Variants in RAB3GAP1 observed in about 807,000 individuals in gnomAD.
The protein encoded by RAB3GAP1 is rab3 GTPase-activating protein catalytic subunit.
A neutral mutation model predicts 130.7 loss-of-function variants in RAB3GAP1; 86 were observed. That is an observed-to-expected ratio of 0.66 (90% CI 0.55 to 0.79). The LOEUF is 0.79. RAB3GAP1 is among the 30% of genes least tolerant of loss of function. The pLI is 0.00. For synonymous variants in RAB3GAP1, 367 were observed against 401.7 expected, an observed-to-expected ratio of 0.91 and a Z score of 1.03; for missense variants, 1,029 against 1,169.4, an observed-to-expected ratio of 0.88 and a Z score of 1.75.
intron 5 of RAB3GAP1, among the ~76,000 whole-genome samples, chr2:135,103,034 G>GGTTTTTTTTTTTTT (rs1355666279): frequency 1.0e-5 from 1 of 100,462 alleles, no homozygotes; most frequent in African/African-American, 6.8e-5. Context: ...TCATTTTTGT[G>GGTTTTTTTTTTTTT]ATTTTTTTTT....
At chr2:135,061,798 G>A (rs1291073519) in intron 3 of RAB3GAP1, among the ~76,000 whole-genome samples, 1 of 152,026 alleles carries the variant, frequency 6.6e-6, no homozygotes, top group African/African-American at 2.4e-5. Flanking sequence ...CTTTGTTAAG[G>A]TCTATGATTT....
chr2:135,132,867 T>A, intron 13 of RAB3GAP1, 28 bp from the exon 14 acceptor site: 1 of 1,302,222 alleles, frequency 7.7e-7, no homozygotes, highest in Non-Finnish European at 1.1e-6. Context: ...TGGTCTAAAA[T>A]GTGATTATTT....
At chr2:135,160,311 A>G (rs969812039) in intron 19 of RAB3GAP1, among the ~76,000 whole-genome samples, 20 of 152,188 alleles carry the variant, frequency 1.3e-4, no homozygotes, top group Admixed American at 6.5e-5. Context: ...TTAAAGAGCT[A>G]TGATAACTAA....
In RAB3GAP1 at chr2:135,115,369, CA is replaced by C; in HGVS notation, c.639del (p.Lys213AsnfsTer8). On this transcript the variant is annotated frameshift_variant, in exon 7 of 24. Transcript: ENST00000264158. LOFTEE classifies it high-confidence loss of function. ...ACTTATCAGGTCTGCTGGATATCTTCAAATCAAAGATTGTGAGTTGGGATTG... is the reference window on the plus strand; with the variant it reads ...ACTTATCAGGTCTGCTGGATATCTTCAATCAAAGATTGTGAGTTGGGATTG... ...THLSGLLDIF[K>X]SKIGCPLTPL... 1 of 1,610,544 alleles carries C rather than the reference CA, an allele frequency of 6.2e-7. No individual in the cohort carries two copies.
intron 17 of RAB3GAP1, among the ~76,000 whole-genome samples, chr2:135,139,841 G>A (rs1195020202): frequency 6.6e-6 from 1 of 152,154 alleles, no homozygotes; most frequent in Admixed American, 6.5e-5. Context: ...TAAATAGCCA[G>A]ATGTATTGGA....
intron 23 of RAB3GAP1, among the ~76,000 whole-genome samples, chr2:135,167,944 G>A (rs1692706643): frequency 6.6e-6 from 1 of 152,048 alleles, no homozygotes; most frequent in African/African-American, 2.4e-5. Context: ...GGCTGTAAAT[G>A]AACATGCATT....
chr2:135,170,786 A>G (rs1481309253), downstream of RAB3GAP1: 1 of 152,180 alleles, frequency 6.6e-6, no homozygotes, highest in African/African-American at 2.4e-5. Flanking sequence ...TGGGATTGAG[A>G]CCAGAAGCTG....
At chr2:135,129,837 T>C (rs1014268657) in intron 11 of RAB3GAP1, among the ~76,000 whole-genome samples, 158 bp from the exon 12 acceptor site, 5 of 152,100 alleles carry the variant, frequency 3.3e-5, no homozygotes, top group Non-Finnish European at 7.4e-5. Flanking sequence ...ACCTTTGATA[T>C]AGGATTAATT....
At chr2:135,109,113 TCTC>T (rs1690716320) in intron 5 of RAB3GAP1, among the ~76,000 whole-genome samples, 1 of 151,934 alleles carries the variant, frequency 6.6e-6, no homozygotes, top group African/African-American at 2.4e-5. Context: ...TAGTGTTAGT[TCTC>T]CAACTTTCTT....
At chr2:135,081,369 CGT>C (rs1176864961) in intron 3 of RAB3GAP1, among the ~76,000 whole-genome samples, 120 of 85,628 alleles carry the variant, frequency 1.4e-3, no homozygotes, top group South Asian at 4.7e-3. Flanking sequence ...TATACACACA[CGT>C]GTGTGTGTGT....
chr2:135,153,117 CATTT>C (rs1692219876), intron 18 of RAB3GAP1: 1 of 156,620 alleles, frequency 6.4e-6, no homozygotes, highest in Non-Finnish European at 1.4e-5. Flanking sequence ...GGTTAGCTGA[CATTT>C]ATTGCAGAAC....
Position 135,130,562 on chromosome 2 carries a change from T to C in RAB3GAP1, c.1077T>C (p.Asp359=), listed in dbSNP as rs1369944578. 5.6e-6 allele frequency: 9 copies of C among 1,612,842 alleles called. No individual in the cohort carries two copies. Among genetic ancestry groups the C allele is most frequent in the Non-Finnish European group, 7.6e-6 (9 of 1,179,206 alleles). The change falls in exon 13 of 24, where the codon GAT becomes GAC. Residue 359 remains aspartate, a synonymous_variant. Coordinates refer to ENST00000264158, the MANE Select transcript of RAB3GAP1 (RefSeq NM_012233.3). ...CTGTTCTTTTTATAGAAACTGCTGA[T>C]ATAACTCATGCTTTGTCAAAATTGA... ...AFEEEGKETA[D]ITHALSKLTE...
At chr2:135,118,869 G>A (rs1167039268) in intron 7 of RAB3GAP1, among the ~76,000 whole-genome samples, 1 of 151,096 alleles carries the variant, frequency 6.6e-6, no homozygotes, top group Non-Finnish European at 1.5e-5. Flanking sequence ...AAGCCATTGT[G>A]CCAAGCAGGA....
chr2:135,081,677 T>G (rs1689824850), intron 3 of RAB3GAP1, among the ~76,000 whole-genome samples: 1 of 152,078 alleles, frequency 6.6e-6, no homozygotes, highest in African/African-American at 2.4e-5. Flanking sequence ...TACTTGTGAC[T>G]AAAGAAACAT....
In RAB3GAP1 at chr2:135,115,119, C is replaced by T. The variant is rs1574123618; in HGVS notation, c.483-97C>T. 1.1e-5 allele frequency: 14 copies of T among 1,232,216 alleles called. No homozygotes were observed. In the East Asian group the frequency reaches 3.3e-4, roughly 29 times the overall value. The allele number at this position is 1,232,216 out of a possible 1,614,324, so 76.3% of individuals were successfully genotyped here. ...TGTTGTGTTTCCAGTTTAGTGCTTT[C>T]AAATTCTTGAGATTAAAATAATTTG... On this transcript the variant is annotated intron_variant, in intron 6 of 23. Transcript: ENST00000264158.
chr2:135,056,821 CT>C (rs1404774851), intron 2 of RAB3GAP1, among the ~76,000 whole-genome samples: 1 of 152,022 alleles, frequency 6.6e-6, no homozygotes. Flanking sequence ...AGTAAGAAGC[CT>C]CAGATGAATC....
In RAB3GAP1 at chr2:135,168,718, T is replaced by C. The variant is rs1692741601; in HGVS notation, c.2883T>C (p.Ser961=). ...YSKALPQRMY[S]VLTKEDFRLA... The stretch of plus-strand genomic sequence containing the variant: ...AAGCTCTGCCTCAGCGGATGTACAG[T>C]GTTCTCACCAAAGAGGACTTTAGAC... Residue 961 remains serine, a synonymous_variant, in exon 24 of 24, where the codon AGT becomes AGC. Coordinates refer to ENST00000264158, the MANE Select transcript of RAB3GAP1 (RefSeq NM_012233.3). 1 of 1,614,184 alleles carries C rather than the reference T, an allele frequency of 6.2e-7. No homozygotes were observed. The highest frequency in any genetic ancestry group is 1.3e-5 in the African/African-American group (1 of 75,050).
At position 135,146,971 on chromosome 2, in the gene RAB3GAP1, A is replaced by AACACAC. The variant is rs34094441; in HGVS notation, c.1924-3375_1924-3370dup. Among the ~76,000 whole-genome samples the AACACAC allele has an allele frequency of 7.1e-3, 1,041 of 147,512 alleles. 11 individuals carry two copies. The highest frequency in any genetic ancestry group is 0.022 in the African/African-American group (893 of 40,480). ...TATGTGATTATTTCAAGGGGGTATA[A>AACACAC]ACACACACACACACACACACACACA... On this transcript the variant is annotated intron_variant, in intron 17 of 23. Transcript: ENST00000264158.
Position 135,117,504 on chromosome 2 carries a change from TCTTCTTCTG to T in RAB3GAP1, c.648+2150_648+2158del, listed in dbSNP as rs1355437292. Among the ~76,000 whole-genome samples the T allele has an allele frequency of 2.6e-3, 358 of 136,928 alleles. 2 individuals are homozygous for T. The highest frequency in any genetic ancestry group is 2.9e-3 in the Non-Finnish European group (184 of 63,922). The allele number at this position is 136,928 out of a possible 152,430, so 89.8% of individuals were successfully genotyped here. ...TTCTGCTTCTTCTTCTGCTTCTTCT[TCTTCTTCTG>T]CTTCTTCTGCTTCTTCTGCTTCTTC... On this transcript the variant is annotated intron_variant, in intron 7 of 23. Transcript: ENST00000264158.
Sources: allele counts gnomAD v4.1 joint callset (sites outside exome capture counted in the v4.1 genomes callset), GRCh38; gene constraint gnomAD v4.1.1; transcripts MANE v1.5; gene names NCBI Gene and HGNC (gene_info 2026-07-23, HGNC 2026-07-21).